COL6A2: variants seen among roughly 807,000 people sequenced by gnomAD.
The protein encoded by COL6A2 is collagen type VI alpha 2 chain, also known as collagen alpha-2(VI) chain.
A neutral mutation model predicts 124.9 loss-of-function variants in COL6A2; 90 were observed. The observed-to-expected ratio is 0.72, with a 90% CI of 0.61 to 0.86. The LOEUF (loss-of-function observed/expected upper bound fraction) is 0.86. Ranked by LOEUF, COL6A2 falls within the 40% of genes least tolerant of loss-of-function variation. The pLI, the probability that COL6A2 is intolerant of heterozygous loss-of-function variation, is 0.00. For synonymous variants in COL6A2, 793 were observed against 618.2 expected, an observed-to-expected ratio of 1.28 and a Z score of -4.19; for missense variants, 1,607 against 1,502.5, an observed-to-expected ratio of 1.07 and a Z score of -1.15.
chr21:46,118,905 C>A (rs1046532172), intron 13 of COL6A2, 125 bp from the exon 14 acceptor site: 1 of 965,072 alleles, frequency 1.0e-6, no homozygotes, highest in African/African-American at 1.6e-5. Context: ...CTGCAGGGCC[C>A]CCATGTGCCT....
rs1426096612 is a variant in COL6A2 at position 46,132,274 on chromosome 21, A to C, written c.2782A>C (p.Ile928Leu). 1 of 1,606,824 alleles carries C rather than the reference A, an allele frequency of 6.2e-7. No homozygotes were observed. The highest frequency in any genetic ancestry group is 8.5e-7 in the Non-Finnish European group (1 of 1,178,964). Reference sequence around the variant, plus strand: ...AGGCGTGGTGCACGCCATCAATGCCATCGTGCGCAGCCCGCGTGGCGGGGC... The same window carrying C: ...AGGCGTGGTGCACGCCATCAATGCCCTCGTGCGCAGCCCGCGTGGCGGGGC... ...GAGVVHAINA[I>L]VRSPRGGARR... The change falls in exon 28 of 28, where the codon ATC (isoleucine) becomes CTC (leucine). Residue 928 changes from isoleucine to leucine, a missense_variant. Around this residue, in one of 3 missense-constraint regions of COL6A2, gnomAD observed 1,223 missense variants for 1,052.2 expected, o/e 1.16. Coordinates refer to ENST00000300527, the MANE Select transcript of COL6A2 (RefSeq NM_001849.4).
In COL6A2 at chr21:46,113,828, G is replaced by A; in HGVS notation, c.736-180G>A. The A allele has an allele frequency of 1.0e-5, 7 of 682,632 alleles. No individual in the cohort carries two copies. In the South Asian group the frequency reaches 1.1e-4, roughly 11 times the overall value. The allele number at this position is 682,632 out of a possible 1,614,324, so 42.3% of individuals were successfully genotyped here. On this transcript the variant is annotated intron_variant, in intron 4 of 27. Coordinates refer to ENST00000300527, the MANE Select transcript of COL6A2 (RefSeq NM_001849.4). ...AACTCTTTGGCTTGTCCCTGATGGG[G>A]GCAGAGCCTCACAGCACCCCATGTC...
Position 46,116,155 on chromosome 21 carries a change from C to A in COL6A2, c.900+102C>A. ...TCGGCCTCAGCCTCTACGACCCTCC[C>A]CCCAGTTACCAAGGAACAGAAGCAC... On this transcript the variant is annotated intron_variant, in intron 7 of 27. Transcript: ENST00000300527. This position sits in a 1 kb window ranked among gnomAD's most constrained non-coding sequence, Gnocchi z 4.6. 1 of 1,289,526 alleles carries A rather than the reference C, an allele frequency of 7.8e-7. No homozygotes were observed. Among genetic ancestry groups the A allele is most frequent in the Non-Finnish European group, 1.1e-6 (1 of 909,918 alleles). 79.9% of individuals were successfully genotyped at this position (1,289,526 alleles called of 1,614,324 possible).
intron 26 of COL6A2, 96 bp downstream of exon 26, chr21:46,126,333 A>C: frequency 2.0e-6 from 3 of 1,507,882 alleles, no homozygotes; most frequent in Non-Finnish European, 2.7e-6. Context: ...TGAGGGATGA[A>C]TGTGCAGCCC....
chr21:46,125,830 A>G lies in COL6A2; in HGVS notation c.2015A>G (p.Glu672Gly). 1 of 1,612,660 alleles carries G rather than the reference A, an allele frequency of 6.2e-7. No individual in the cohort carries two copies. Among genetic ancestry groups the G allele is most frequent in the Non-Finnish European group, 8.5e-7 (1 of 1,179,886 alleles). The change falls in exon 26 of 28, where the codon GAG (glutamate) becomes GGG (glycine). Residue 672 changes from glutamate to glycine, a missense_variant. Glu to Gly is a moderately conservative substitution (Grantham distance 98). Coordinates refer to ENST00000300527, the MANE Select transcript of COL6A2 (RefSeq NM_001849.4). ...CAGTACAGCCACGAGGGCACCTTTG[A>G]GGCCATCCAGCTGGACGACGAACGT... ...VVQYSHEGTF[E>G]AIQLDDERID...
At chr21:46,108,830 T>C (rs2078363430) in intron 1 of COL6A2, among the ~76,000 whole-genome samples, 2 of 152,212 alleles carry the variant, frequency 1.3e-5, no homozygotes, top group African/African-American at 4.8e-5. Context: ...GTCACTTTTC[T>C]GGCCTGAAAC....
chr21:46,129,425 T>TGACACC (rs1238617822), intron 27 of COL6A2: 1 of 1,611,890 alleles, frequency 6.2e-7, no homozygotes, highest in Non-Finnish European at 8.5e-7. Context: ...AGCTGTTCAT[T>TGACACC]GACACCTTTA....
At chr21:46,131,273 G>A (rs2078756728) in intron 27 of COL6A2, among the ~76,000 whole-genome samples, 1 of 152,236 alleles carries the variant, frequency 6.6e-6, no homozygotes, top group Non-Finnish European at 1.5e-5. Context: ...CCTGGCCTGG[G>A]TTGTGGCTAT....
Position 46,117,785 on chromosome 21 carries a change from G to A in COL6A2, c.1054-89G>A, listed in dbSNP as rs930488052. On this transcript the variant is annotated intron_variant, in intron 11 of 27. Coordinates refer to ENST00000300527, the MANE Select transcript of COL6A2 (RefSeq NM_001849.4). ...ACAGTGAGGGTGGGAGGTGCGTCCC[G>A]GGCTGGGACAATGGAGCACTTGGGC... The A allele has an allele frequency of 3.3e-5, 45 of 1,363,634 alleles. No homozygotes were observed. The Middle Eastern group carries it at 1.4e-3, about 42-fold the overall frequency. 84.5% of individuals were successfully genotyped at this position (1,363,634 alleles called of 1,614,324 possible).
intron 27 of COL6A2, chr21:46,128,838 G>T (rs1239465405): frequency 3.6e-6 from 5 of 1,371,658 alleles, no homozygotes; most frequent in South Asian, 1.2e-5. Flanking sequence ...GGTGGCTGGG[G>T]TCTTCCTGGC....
chr21:46,131,270 T>G (rs2078756678), intron 27 of COL6A2, among the ~76,000 whole-genome samples: 1 of 152,226 alleles, frequency 6.6e-6, no homozygotes, highest in Non-Finnish European at 1.5e-5. Context: ...CAGCCTGGCC[T>G]GGGTTGTGGC....
At chr21:46,129,135 A>T in intron 27 of COL6A2, 1 of 1,609,722 alleles carries the variant, frequency 6.2e-7, no homozygotes, top group Admixed American at 1.7e-5. Context: ...CTGCCCGAGG[A>T]GGAGCTCTAG....
In COL6A2 at chr21:46,126,540, AG is replaced by A; in HGVS notation, c.2461+1del. 1 of 1,613,374 alleles carries A rather than the reference AG, an allele frequency of 6.2e-7. No individual in the cohort carries two copies. Among genetic ancestry groups the A allele is most frequent in the Non-Finnish European group, 8.5e-7 (1 of 1,179,896 alleles). On this transcript the variant is annotated frameshift_variant and splice_region_variant, in exon 27 of 28. Coordinates refer to ENST00000300527, the MANE Select transcript of COL6A2 (RefSeq NM_001849.4). LOFTEE classifies it high-confidence loss of function. The part of the protein sequence containing the change: ...IVCPDLPCQT[E>X]LSVAQCTQRP... ...TGTGCCCAGACCTTCCCTGCCAAAC[AG>A]GTAATGCAGGGCACCCTGAGCCACC...
chr21:46,113,643 T>TCTAA (rs1437858531), intron 4 of COL6A2: 4 of 374,366 alleles, frequency 1.1e-5, no homozygotes, highest in Non-Finnish European at 2.1e-5. Context: ...CAGCCTGGTC[T>TCTAA]CTAACTCCTG....
chr21:46,119,552 C>T (rs2078527964), intron 14 of COL6A2, among the ~76,000 whole-genome samples: 1 of 152,230 alleles, frequency 6.6e-6, no homozygotes, highest in Non-Finnish European at 1.5e-5. Flanking sequence ...CTCCCCAGAT[C>T]ATTCCTAAAT....
intron 1 of COL6A2, among the ~76,000 whole-genome samples, chr21:46,109,434 G>A (rs55783934): frequency 0.16 from 24,347 of 152,140 alleles, 2,273 homozygotes; most frequent in East Asian, 0.36. Flanking sequence ...TCCGTAGGAC[G>A]GGCAACCCGG....
intron 21 of COL6A2, 60 bp downstream of exon 21, chr21:46,122,997 G>A (rs2078591047): frequency 4.0e-6 from 6 of 1,513,194 alleles, no homozygotes; most frequent in Non-Finnish European, 4.6e-6. Context: ...GGGCCCTGAG[G>A]CTGAGCGTGT....
In COL6A2 at chr21:46,116,594, A is replaced by C. The variant is rs2078474012; in HGVS notation, c.928-57A>C. On this transcript the variant is annotated intron_variant, in intron 8 of 27. Transcript: ENST00000300527. This position sits in a 1 kb window ranked among gnomAD's most constrained non-coding sequence, Gnocchi z 4.6. Reference sequence around the variant, plus strand: ...AAGGGCTTTGCCCCCCAGAGGCAGCAGTGCCCATGATGCTTTGAGGCACCG... The same window carrying C: ...AAGGGCTTTGCCCCCCAGAGGCAGCCGTGCCCATGATGCTTTGAGGCACCG... 6.2e-7 allele frequency: 1 copy of C among 1,610,948 alleles called. No homozygotes were observed. The highest frequency in any genetic ancestry group is 1.3e-5 in the African/African-American group (1 of 75,010).
chr21:46,131,539 T>G (rs892165012), intron 27 of COL6A2, among the ~76,000 whole-genome samples: 3 of 152,148 alleles, frequency 2.0e-5, no homozygotes, highest in African/African-American at 4.8e-5. Context: ...GGGGTCAGGC[T>G]GGGGGTGTCA....
Sources: gnomAD v4.1 joint callset for allele counts (sites outside exome capture counted in the v4.1 genomes callset) on GRCh38, gnomAD v4.1.1 for gene constraint, gnomAD v4.1.1 regional missense constraint, Gnocchi (gnomAD v3.1) non-coding constraint, MANE v1.5 for transcripts, NCBI Gene and HGNC (gene_info 2026-07-23, HGNC 2026-07-21) for gene names.